Variants in DIAPH1 observed in about 807,000 individuals in gnomAD.
The protein encoded by DIAPH1 is protein diaphanous homolog 1.
In DIAPH1, 46 loss-of-function variants were observed where a neutral mutation model predicts 140.7. That is an observed-to-expected ratio of 0.33 (90% CI 0.26 to 0.42). The LOEUF is 0.42. DIAPH1 is among the 10% of genes least tolerant of loss of function. The probability of loss-of-function intolerance (pLI) is 1.00; values close to 1 mark genes in which losing one functional copy is unlikely to be tolerated. For missense variants in DIAPH1, 1,310 were observed against 1,558.7 expected, an observed-to-expected ratio of 0.84 and a Z score of 2.69; for synonymous variants, 565 against 551.6, an observed-to-expected ratio of 1.02 and a Z score of -0.34.
chr5:141,610,217 C>T (rs1022211222), intron 1 of DIAPH1, among the ~76,000 whole-genome samples: 3 of 152,082 alleles, frequency 2.0e-5, no homozygotes, highest in Non-Finnish European at 4.4e-5. Context: ...CTGCAACCTC[C>T]GTCTCCTGGG....
At chr5:141,559,991 A>T (rs1485306789) in intron 18 of DIAPH1, among the ~76,000 whole-genome samples, 1 of 152,150 alleles carries the variant, frequency 6.6e-6, no homozygotes. Flanking sequence ...TCTACACCCC[A>T]CTTCTAAATC....
intron 18 of DIAPH1, among the ~76,000 whole-genome samples, chr5:141,552,501 G>A (rs967908708): frequency 6.6e-6 from 1 of 152,172 alleles, no homozygotes; most frequent in African/African-American, 2.4e-5. Context: ...AGGAATCTGG[G>A]CAGGCATTAG....
chr5:141,616,288 A>G lies in DIAPH1; in HGVS notation c.117+2510T>C, dbSNP rs561332315. Among the ~76,000 whole-genome samples, 10 of 152,364 alleles carry G rather than the reference A, an allele frequency of 6.6e-5. No individual in the cohort carries two copies. In the East Asian group the frequency reaches 1.9e-3, roughly 29 times the overall value. ...TCTCACCAGTTAATCCGTATTTAGAACCTGCATAAGCCAGGAAAGGTATGT... is the reference window on the plus strand; with the variant it reads ...TCTCACCAGTTAATCCGTATTTAGAGCCTGCATAAGCCAGGAAAGGTATGT... On this transcript the variant is annotated intron_variant, in intron 1 of 27. Transcript: ENST00000389054.
At chr5:141,597,315 T>C (rs1485756264) in intron 1 of DIAPH1, among the ~76,000 whole-genome samples, 1 of 151,966 alleles carries the variant, frequency 6.6e-6, no homozygotes, top group East Asian at 1.9e-4. Flanking sequence ...CAGTTCTGGG[T>C]TTCTTAACAA....
intron 18 of DIAPH1, chr5:141,558,350 C>T (rs1043449155): frequency 2.1e-4 from 32 of 152,124 alleles, no homozygotes; most frequent in African/African-American, 7.5e-4. Context: ...ACTAATGACC[C>T]CCGGAATCCC....
Position 141,573,974 on chromosome 5 carries a change from A to G in DIAPH1, c.1876T>C (p.Cys626Arg). 1 of 1,546,544 alleles carries G rather than the reference A, an allele frequency of 6.5e-7. No individual in the cohort carries two copies. ...PPPPPLPGGV[C>R]ISSPPSLPGG... ...GGTAAAGAAGGGGGTGAGGAGATGC[A>G]AACACCCCCAGGCAAAGGAGGTGGA... The change falls in exon 16 of 28, where the codon TGC (cysteine) becomes CGC (arginine). Residue 626 changes from cysteine to arginine, a missense_variant. Coordinates refer to ENST00000389054, the MANE Select transcript of DIAPH1 (RefSeq NM_005219.5).
chr5:141,580,206 T>C (rs2099896543), intron 8 of DIAPH1, among the ~76,000 whole-genome samples: 1 of 152,210 alleles, frequency 6.6e-6, no homozygotes, highest in African/African-American at 2.4e-5. Context: ...CAGTTAGTTT[T>C]ATAGGCATAA....
intron 26 of DIAPH1, 108 bp downstream of exon 26, chr5:141,525,930 C>T: frequency 6.4e-7 from 1 of 1,568,656 alleles, no homozygotes; most frequent in Non-Finnish European, 8.7e-7. Flanking sequence ...TGCCAAAAAT[C>T]ATTTGCCAGG....
chr5:141,589,919 T>A (rs1483005199), intron 1 of DIAPH1, among the ~76,000 whole-genome samples: 1 of 144,548 alleles, frequency 6.9e-6, no homozygotes, highest in African/African-American at 2.5e-5. Flanking sequence ...ATAGTAAATC[T>A]TTTTTTTTTT....
At chr5:141,596,913 G>A (rs1234185371) in intron 1 of DIAPH1, among the ~76,000 whole-genome samples, 3 of 152,140 alleles carry the variant, frequency 2.0e-5, no homozygotes, top group Non-Finnish European at 4.4e-5. Flanking sequence ...GAAGAAAGAT[G>A]TTCTAAAAAT....
At chr5:141,618,343 G>A (rs946304966) in intron 1 of DIAPH1, 1 of 153,580 alleles carries the variant, frequency 6.5e-6, no homozygotes, top group South Asian at 1.9e-4. Flanking sequence ...AGGTAAAAAG[G>A]ATGAATCATG....
At chr5:141,539,111 C>A (rs929468103) in intron 18 of DIAPH1, among the ~76,000 whole-genome samples, 2 of 151,692 alleles carry the variant, frequency 1.3e-5, no homozygotes, top group Admixed American at 1.3e-4. Flanking sequence ...CCTGTCTCTA[C>A]TAAAAATATT....
chr5:141,605,151 A>T (rs1462180187), intron 1 of DIAPH1, among the ~76,000 whole-genome samples: 1 of 152,170 alleles, frequency 6.6e-6, no homozygotes, highest in Non-Finnish European at 1.5e-5. Flanking sequence ...TTTTATATAC[A>T]TTTGTATTTT....
At chr5:141,571,302 C>T in intron 18 of DIAPH1, 126 bp downstream of exon 18, 1 of 795,498 alleles carries the variant, frequency 1.3e-6, no homozygotes, top group Non-Finnish European at 2.0e-6. Flanking sequence ...CAAAAAACAC[C>T]TAGCAAAGAC....
chr5:141,618,134 G>T (rs1408116704), intron 1 of DIAPH1, among the ~76,000 whole-genome samples: 1 of 152,244 alleles, frequency 6.6e-6, no homozygotes, highest in Non-Finnish European at 1.5e-5. Context: ...CTGGAGAGAG[G>T]AATACTGGTA....
intron 1 of DIAPH1, among the ~76,000 whole-genome samples, chr5:141,593,042 G>C (rs1341873620): frequency 6.6e-6 from 1 of 152,072 alleles, no homozygotes; most frequent in Non-Finnish European, 1.5e-5. Context: ...TTGAAGACTG[G>C]GACTAGAAGA....
intron 18 of DIAPH1, chr5:141,560,771 G>A (rs2099893407): frequency 4.5e-6 from 2 of 447,218 alleles, no homozygotes; most frequent in Non-Finnish European, 9.0e-6. Context: ...TTTATTCAGG[G>A]TTGGGAAGGG....
At position 141,549,421 on chromosome 5, in the gene DIAPH1, T is replaced by C. The variant is rs191376210; in HGVS notation, c.2483-14988A>G. 3.8e-3 allele frequency among the ~76,000 whole-genome samples: 582 copies of C among 152,206 alleles called. 4 individuals are homozygous for C. Among genetic ancestry groups the C allele is most frequent in the Admixed American group, 0.011 (166 of 15,288 alleles). On this transcript the variant is annotated intron_variant, in intron 18 of 27. Transcript: ENST00000389054. ...GTTAAAAATTGAGTGAACTAAAGGC[T>C]GAAAAAGACAAATCCATAACCACAG...
At chr5:141,546,512 C>T (rs974611048) in intron 18 of DIAPH1, among the ~76,000 whole-genome samples, 23 of 149,168 alleles carry the variant, frequency 1.5e-4, no homozygotes, top group East Asian at 3.9e-4. Context: ...AAAAATGAGT[C>T]GGGCATGATG....
Sources: allele counts gnomAD v4.1 joint callset (sites outside exome capture counted in the v4.1 genomes callset), GRCh38; gene constraint gnomAD v4.1.1; transcripts MANE v1.5; gene names NCBI Gene and HGNC (gene_info 2026-07-23, HGNC 2026-07-21).